PKHD1L1: variants seen among roughly 807,000 people sequenced by gnomAD.
The protein encoded by PKHD1L1 is fibrocystin-L.
In PKHD1L1, 434 loss-of-function variants were observed where a neutral mutation model predicts 462.9. That is an observed-to-expected ratio of 0.94 (90% CI 0.87 to 1.02). PKHD1L1 has a LOEUF of 1.02. PKHD1L1 is among the 50% of genes least tolerant of loss of function. PKHD1L1 has a pLI of 0.00. For missense variants in PKHD1L1, 5,202 were observed against 5,096.1 expected (o/e 1.02, Z -0.63); for synonymous variants, 1,781 against 1,750.0 (o/e 1.02, Z -0.44).
intron 30 of PKHD1L1, 149 bp from the exon 31 acceptor site, chr8:109,438,175 A>G (rs1815546126): frequency 8.3e-6 from 5 of 603,254 alleles, no homozygotes; most frequent in African/African-American, 1.9e-5. Flanking sequence ...TGACACCACA[A>G]CTTTCTAAAT....
chr8:109,468,686 T>G (rs1439722487), intron 50 of PKHD1L1, among the ~76,000 whole-genome samples: 1 of 152,224 alleles, frequency 6.6e-6, no homozygotes, highest in Non-Finnish European at 1.5e-5. Context: ...TCACTTGCCC[T>G]TGATAAGCCC....
In PKHD1L1 at chr8:109,522,868, C is replaced by T. The variant is rs534209760; in HGVS notation, c.12308C>T (p.Ser4103Leu). 11 of 1,608,164 alleles carry T rather than the reference C, an allele frequency of 6.8e-6. No homozygotes were observed. The highest frequency in any genetic ancestry group is 8.5e-6 in the Non-Finnish European group (10 of 1,177,914). ...QPGQPFPQQP[S>L]VKATDSDGNC... ...GGACAGCCATTTCCTCAGCAGCCTT[C>T]GGTAAAGGCAACAGATTCTGACGTA... is the stretch of plus-strand genomic sequence containing the variant. The change falls in exon 75 of 78, where the codon TCG (serine) becomes TTG (leucine). Residue 4103 changes from serine to leucine, a missense_variant. Transcript: ENST00000378402.
At chr8:109,365,509 A>G (rs1245141849) in intron 2 of PKHD1L1, among the ~76,000 whole-genome samples, 1 of 152,108 alleles carries the variant, frequency 6.6e-6, no homozygotes, top group Non-Finnish European at 1.5e-5. Context: ...TTAAAGTGTT[A>G]TTTTTTAGAG....
rs573838868 is a variant in PKHD1L1 at position 109,483,774 on chromosome 8, A to G, written c.9576+669A>G. ...TTATCTTGGTTACCTCTTCACTTCT[A>G]ATTTATGATTTTACATGTTAAGAAT... On this transcript the variant is annotated intron_variant, in intron 57 of 77. Transcript: ENST00000378402. Among the ~76,000 whole-genome samples, 7 of 151,724 alleles carry G rather than the reference A, an allele frequency of 4.6e-5. No individual in the cohort carries two copies. The South Asian group carries it at 1.5e-3, about 31-fold the overall frequency.
Position 109,398,548 on chromosome 8 carries a change from G to A in PKHD1L1, c.1012G>A (p.Gly338Arg). The A allele has an allele frequency of 2.6e-6, 4 of 1,522,030 alleles. No individual in the cohort carries two copies. The highest frequency in any genetic ancestry group is 3.6e-6 in the Non-Finnish European group (4 of 1,114,382). The allele number at this position is 1,522,030 out of a possible 1,614,324, so 94.3% of individuals were successfully genotyped here. ...TCATATTCTCAAAACTGTATATCCA[G>A]GTAAGTTACCATAAGGGACAATGGC... ...KPHILKTVYPGGRGLKLEVWN... is the reference protein window; with the variant it reads ...KPHILKTVYPRGRGLKLEVWN... Residue 338 changes from glycine to arginine, a missense_variant and splice_region_variant, in exon 12 of 78, where the codon GGA (glycine) becomes AGA (arginine). Gly to Arg is a moderately radical substitution (Grantham distance 125, BLOSUM62 -2). Coordinates refer to ENST00000378402, the MANE Select transcript of PKHD1L1 (RefSeq NM_177531.6).
At chr8:109,369,624 A>AAT (rs35538975) in intron 2 of PKHD1L1, among the ~76,000 whole-genome samples, 11,295 of 148,998 alleles carry the variant, frequency 0.076, 739 homozygotes, top group African/African-American at 0.18. Flanking sequence ...CTGATAGGAA[A>AAT]ATATATATAT....
chr8:109,488,831 C>A (rs1315558706), intron 59 of PKHD1L1, among the ~76,000 whole-genome samples: 1 of 151,912 alleles, frequency 6.6e-6, no homozygotes, highest in Non-Finnish European at 1.5e-5. Flanking sequence ...TAAACACATA[C>A]AATCTTATTT....
rs369532242 is a variant in PKHD1L1, at chr8:109,448,192, G to C, written c.5826G>C (p.Glu1942Asp). Reference protein sequence around the residue: ...IEITGSNFGFEILEISVMINN... With the variant: ...IEITGSNFGFDILEISVMINN... The stretch of plus-strand genomic sequence containing the variant: ...TCACTGGATCCAACTTTGGCTTTGA[G>C]ATCTTGGAAATCTCCGTGATGATAA... Residue 1942 changes from glutamate (E) to aspartate (D), a missense_variant, in exon 39 of 78, where the codon GAG becomes GAC. By Grantham distance (45) the Glu-to-Asp change is conservative. Transcript: ENST00000378402. 1.7e-5 allele frequency: 28 copies of C among 1,611,310 alleles called. No homozygotes were observed. The highest frequency in any genetic ancestry group is 5.0e-5 in the Admixed American group (3 of 59,712).
chr8:109,397,628 T>C lies in PKHD1L1; in HGVS notation c.923-831T>C, dbSNP rs547329368. ...TTGCTTGAACCCAGGAGGTGGAGGC[T>C]ACGGTGAGCTATGATCATGCCACTG... On this transcript the variant is annotated intron_variant, in intron 11 of 77. Transcript: ENST00000378402. Among the ~76,000 whole-genome samples, 3 of 152,246 alleles carry C rather than the reference T, an allele frequency of 2.0e-5. No individual in the cohort carries two copies. The South Asian group carries it at 6.2e-4, about 32-fold the overall frequency.
chr8:109,466,337 T>G (rs137994460), intron 49 of PKHD1L1, among the ~76,000 whole-genome samples: 105 of 152,278 alleles, frequency 6.9e-4, no homozygotes, highest in African/African-American at 2.0e-3. Flanking sequence ...CAAGTTTGAC[T>G]CTTATGGGTG....
chr8:109,411,208 A>G (rs1813842520), intron 19 of PKHD1L1, among the ~76,000 whole-genome samples: 1 of 152,166 alleles, frequency 6.6e-6, no homozygotes, highest in African/African-American at 2.4e-5. Flanking sequence ...TTTCTTAATG[A>G]GATATTTTCT....
At chr8:109,517,723 G>A (rs1362516532) in intron 72 of PKHD1L1, among the ~76,000 whole-genome samples, 1 of 152,062 alleles carries the variant, frequency 6.6e-6, no homozygotes, top group African/African-American at 2.4e-5. Context: ...TAGAAACACT[G>A]AATTGTAAAT....
At chr8:109,496,380 A>G (rs896514808) in intron 63 of PKHD1L1, among the ~76,000 whole-genome samples, 3 of 152,220 alleles carry the variant, frequency 2.0e-5, no homozygotes, top group Non-Finnish European at 4.4e-5. Context: ...TGGGATGGCC[A>G]GAAGGACATA....
chr8:109,475,025 C>G, intron 50 of PKHD1L1, 93 bp from the exon 51 acceptor site: 1 of 1,235,280 alleles, frequency 8.1e-7, no homozygotes, highest in Non-Finnish European at 1.1e-6. Flanking sequence ...CTAAACCAAC[C>G]AAACTAAACT....
chr8:109,375,942 G>T (rs1811797406), intron 2 of PKHD1L1, among the ~76,000 whole-genome samples: 1 of 152,220 alleles, frequency 6.6e-6, no homozygotes, highest in South Asian at 2.1e-4. Flanking sequence ...AGGCTACTCA[G>T]GGGTCATGGA....
chr8:109,528,178 G>C (rs895498365), intron 77 of PKHD1L1, among the ~76,000 whole-genome samples: 5 of 152,154 alleles, frequency 3.3e-5, no homozygotes, highest in African/African-American at 1.2e-4. Flanking sequence ...ATAAGATTTG[G>C]AAAGGGAGGG....
intron 76 of PKHD1L1, among the ~76,000 whole-genome samples, chr8:109,524,152 C>T (rs917211903): frequency 6.6e-6 from 1 of 152,118 alleles, no homozygotes; most frequent in South Asian, 2.1e-4. Context: ...AAACCGCTTA[C>T]GTTTGAGAAA....
intron 5 of PKHD1L1, among the ~76,000 whole-genome samples, chr8:109,385,326 C>T (rs1448669078): frequency 6.6e-6 from 1 of 151,270 alleles, no homozygotes; most frequent in Non-Finnish European, 1.5e-5. Flanking sequence ...TTCTATGCTA[C>T]ACTTCTTTAC....
chr8:109,468,939 G>A lies in PKHD1L1; in HGVS notation c.8605+2170G>A, dbSNP rs79930061. On this transcript the variant is annotated intron_variant, in intron 50 of 77. Coordinates refer to ENST00000378402, the MANE Select transcript of PKHD1L1 (RefSeq NM_177531.6). ...AGGTAATTTGAGTTAGACTTCTGCCGTCTTAAGACCTCTGTTAGTTTTCTT... is the reference window on the plus strand; with the variant it reads ...AGGTAATTTGAGTTAGACTTCTGCCATCTTAAGACCTCTGTTAGTTTTCTT... 9.5e-3 allele frequency among the ~76,000 whole-genome samples: 1,445 copies of A among 152,166 alleles called. 7 individuals are homozygous for A. The highest frequency in any genetic ancestry group is 0.017 in the Middle Eastern group (5 of 294).
Sources: gnomAD v4.1 joint callset for allele counts (sites outside exome capture counted in the v4.1 genomes callset) on GRCh38, gnomAD v4.1.1 for gene constraint, MANE v1.5 for transcripts, NCBI Gene and HGNC (gene_info 2026-07-23, HGNC 2026-07-21) for gene names.